The following GPD1L variants were observed in gnomAD, a reference collection of about 807,000 sequenced individuals.
GPD1L encodes glycerol-3-phosphate dehydrogenase 1-like protein.
Under a neutral mutation model 32.9 loss-of-function variants are expected in GPD1L, and 17 were observed. That is an observed-to-expected ratio of 0.52 (90% CI 0.35 to 0.78). GPD1L has a LOEUF of 0.78. Among genes scored for constraint, GPD1L ranks in the 30% least tolerant of loss-of-function variants. The pLI is 0.01. For synonymous variants in GPD1L, 187 were observed against 165.9 expected (o/e 1.13, Z -0.98); for missense variants, 361 against 447.8 (o/e 0.81, Z 1.75).
intron 4 of GPD1L, among the ~76,000 whole-genome samples, chr3:32,142,852 A>G (rs1042688565): frequency 1.3e-5 from 2 of 152,002 alleles, no homozygotes; most frequent in African/African-American, 4.8e-5. Flanking sequence ...CGGTGCTTCT[A>G]TGCCTTCTCT....
At position 32,168,076 on chromosome 3, in the gene GPD1L, A is replaced by G. The variant is rs1409883217; in HGVS notation, c.*2166A>G. On this transcript the variant is annotated 3_prime_UTR_variant, in exon 8 of 8. Coordinates refer to ENST00000282541, the MANE Select transcript of GPD1L (RefSeq NM_015141.4). ...AACTTTGCGTGTTTTGCGTATTTTC[A>G]TCTGCATTCAGCTTCTTACTCTGGG... The G allele has an allele frequency of 6.6e-6, 1 of 152,200 alleles. No individual in the cohort carries two copies. The highest frequency in any genetic ancestry group is 1.5e-5 in the Non-Finnish European group (1 of 68,032). The allele number at this position is 152,200 out of a possible 1,614,324, so 9.4% of individuals were successfully genotyped here. A position where few individuals can be genotyped will look rare whatever the true frequency, so the allele number is the denominator to read the frequency against.
chr3:32,163,450 G>A (rs1701100624), intron 7 of GPD1L, among the ~76,000 whole-genome samples: 1 of 152,198 alleles, frequency 6.6e-6, no homozygotes, highest in Admixed American at 6.5e-5. Context: ...TTACAGGCGT[G>A]AGCCAGCACA....
At chr3:32,146,945 A>G (rs1167545951) in intron 5 of GPD1L, among the ~76,000 whole-genome samples, 1 of 152,162 alleles carries the variant, frequency 6.6e-6, no homozygotes, top group African/African-American at 2.4e-5. Flanking sequence ...ACTTGTAAAT[A>G]TGGGGGAATT....
At chr3:32,141,865 C>G (rs1248925300) in intron 4 of GPD1L, among the ~76,000 whole-genome samples, 1 of 152,098 alleles carries the variant, frequency 6.6e-6, no homozygotes, top group Non-Finnish European at 1.5e-5. Flanking sequence ...TTGCATGATG[C>G]TGAGGTCTGG....
chr3:32,124,705 C>T (rs1167083333), intron 1 of GPD1L, among the ~76,000 whole-genome samples: 1 of 152,144 alleles, frequency 6.6e-6, no homozygotes, highest in East Asian at 1.9e-4. Context: ...GTGGGAGGAT[C>T]GTTTGAGCCC....
At chr3:32,146,312 T>C (rs1343894457) in intron 4 of GPD1L, among the ~76,000 whole-genome samples, 1 of 152,054 alleles carries the variant, frequency 6.6e-6, no homozygotes, top group Non-Finnish European at 1.5e-5. Flanking sequence ...GGCTTCAATC[T>C]CTTGACCTCG....
In GPD1L at chr3:32,106,856, G is replaced by A. The variant is rs1700172057; in HGVS notation, c.47+98G>A. 5 of 1,180,068 alleles carry A rather than the reference G, an allele frequency of 4.2e-6. No homozygotes were observed. Among genetic ancestry groups the A allele is most frequent in the African/African-American group, 1.6e-5 (1 of 63,160 alleles). 73.1% of individuals were successfully genotyped at this position (1,180,068 alleles called of 1,614,324 possible). On this transcript the variant is annotated intron_variant, in intron 1 of 7. Transcript: ENST00000282541. The surrounding 1 kb of genome is among the most constrained non-coding windows in gnomAD (Gnocchi z 4.0). ...GCCCCATGCTGCGGCGTGGGCACCG[G>A]GCACTGCGCGCAGGGAGGCGGGGTG...
At chr3:32,142,412 C>T (rs905234924) in intron 4 of GPD1L, among the ~76,000 whole-genome samples, 9 of 152,170 alleles carry the variant, frequency 5.9e-5, no homozygotes, top group Non-Finnish European at 5.9e-5. Flanking sequence ...CCACCGCGCC[C>T]GGCTGATTTC....
At position 32,158,991 on chromosome 3, in the gene GPD1L, G is replaced by A; in HGVS notation, c.734G>A (p.Cys245Tyr). 1 of 1,614,108 alleles carries A rather than the reference G, an allele frequency of 6.2e-7. No individual in the cohort carries two copies. Among genetic ancestry groups the A allele is most frequent in the Non-Finnish European group, 8.5e-7 (1 of 1,180,036 alleles). Reference sequence around the variant, plus strand: ...ATGATTGCTTTTGCCAGGATCTTCTGCAAAGGCCAAGTGTCTACAGCCACC... The same window carrying A: ...ATGATTGCTTTTGCCAGGATCTTCTACAAAGGCCAAGTGTCTACAGCCACC... ...MEMIAFARIF[C>Y]KGQVSTATFL... is the part of the protein sequence containing the mutation. Residue 245 changes from cysteine to tyrosine, a missense_variant, in exon 6 of 8, where the codon TGC becomes TAC. Transcript: ENST00000282541.
intron 5 of GPD1L, among the ~76,000 whole-genome samples, chr3:32,148,033 A>G (rs945169890): frequency 6.6e-6 from 1 of 152,240 alleles, no homozygotes; most frequent in Non-Finnish European, 1.5e-5. Flanking sequence ...TTATACATGT[A>G]AGACGCTGAC....
intron 4 of GPD1L, among the ~76,000 whole-genome samples, chr3:32,141,689 T>A (rs980614363): frequency 6.6e-6 from 1 of 152,138 alleles, no homozygotes; most frequent in Non-Finnish European, 1.5e-5. Context: ...TAAAAAAAAA[T>A]TCAAGCACCA....
At chr3:32,150,091 C>T (rs750811938) in intron 5 of GPD1L, among the ~76,000 whole-genome samples, 14 of 152,184 alleles carry the variant, frequency 9.2e-5, no homozygotes, top group Non-Finnish European at 2.1e-4. Context: ...CAAACAACTC[C>T]ACATGTCCCT....
At chr3:32,136,406 C>T (rs1229224378) in intron 2 of GPD1L, among the ~76,000 whole-genome samples, 2 of 152,128 alleles carry the variant, frequency 1.3e-5, no homozygotes, top group Non-Finnish European at 2.9e-5. Flanking sequence ...TAAGAACCAC[C>T]CCTGAAATGG....
chr3:32,136,178 G>A (rs1700657137), intron 2 of GPD1L, among the ~76,000 whole-genome samples: 1 of 152,156 alleles, frequency 6.6e-6, no homozygotes, highest in Admixed American at 6.5e-5. Context: ...CGCAAAGTTG[G>A]CTTCATCCAC....
At chr3:32,151,185 C>T in intron 5 of GPD1L, 1 of 591,424 alleles carries the variant, frequency 1.7e-6, no homozygotes, top group South Asian at 1.5e-5. Context: ...GTACTTCAGT[C>T]TAATCCAGGT....
Position 32,168,533 on chromosome 3 carries a change from A to T in GPD1L, c.*2623A>T, listed in dbSNP as rs1701180180. The T allele has an allele frequency of 6.5e-6, 1 of 152,772 alleles. No individual in the cohort carries two copies. Among genetic ancestry groups the T allele is most frequent in the Non-Finnish European group, 1.5e-5 (1 of 68,038 alleles). The allele number at this position is 152,772 out of a possible 1,614,324, so 9.5% of individuals were successfully genotyped here. A position where few individuals can be genotyped will look rare whatever the true frequency, so the allele number is the denominator to read the frequency against. On this transcript the variant is annotated 3_prime_UTR_variant, in exon 8 of 8. Coordinates refer to ENST00000282541, the MANE Select transcript of GPD1L (RefSeq NM_015141.4). ...TAACTTTTGACTACAGCATGGCCCC[A>T]TGGCATCCACACCAAGAGGGTGTTG...
intron 7 of GPD1L, among the ~76,000 whole-genome samples, chr3:32,161,276 T>G (rs1206455046): frequency 6.6e-6 from 1 of 152,158 alleles, no homozygotes; most frequent in Non-Finnish European, 1.5e-5. Context: ...AATTTGCACT[T>G]TATTTTTCTG....
At chr3:32,143,679 C>CA (rs1700780178) in intron 4 of GPD1L, among the ~76,000 whole-genome samples, 1 of 151,984 alleles carries the variant, frequency 6.6e-6, no homozygotes, top group Non-Finnish European at 1.5e-5. Flanking sequence ...CCCATCTCTA[C>CA]AAAAAATACA....
At chr3:32,121,927 C>T (rs1252094178) in intron 1 of GPD1L, among the ~76,000 whole-genome samples, 3 of 151,598 alleles carry the variant, frequency 2.0e-5, no homozygotes, top group Non-Finnish European at 4.4e-5. Flanking sequence ...CGCGCCACCA[C>T]GCCCGGCTAA....
Sources: allele counts gnomAD v4.1 joint callset (sites outside exome capture counted in the v4.1 genomes callset), GRCh38; gene constraint gnomAD v4.1.1; non-coding constraint Gnocchi (gnomAD v3.1); transcripts MANE v1.5; gene names NCBI Gene and HGNC (gene_info 2026-07-23, HGNC 2026-07-21).